HTRA3: variants seen among roughly 807,000 people sequenced by gnomAD.
The protein encoded by HTRA3 is serine protease HTRA3.
A neutral mutation model predicts 43.2 loss-of-function variants in HTRA3; 41 were observed. The ratio of observed to expected loss-of-function variants is 0.95; its 90% CI spans 0.74 to 1.23. The LOEUF (loss-of-function observed/expected upper bound fraction) is 1.23. HTRA3 is among the 50% of genes most tolerant of loss of function. The pLI is 0.00. For synonymous variants in HTRA3, 295 were observed against 287.9 expected (o/e 1.02, Z -0.25); for missense variants, 628 against 647.1 (o/e 0.97, Z 0.32).
chr4:8,282,967 G>T (rs1712815225), intron 2 of HTRA3, among the ~76,000 whole-genome samples: 1 of 152,184 alleles, frequency 6.6e-6, no homozygotes, highest in African/African-American at 2.4e-5. Flanking sequence ...GGAACCGGGG[G>T]CTCGGGAGGC....
chr4:8,296,072 C>T lies in HTRA3; in HGVS notation c.1051+1871C>T, dbSNP rs976796174. 1.9e-6 allele frequency: 2 copies of T among 1,065,054 alleles called. No individual in the cohort carries two copies. The highest frequency in any genetic ancestry group is 3.3e-5 in the African/African-American group (2 of 60,224). 66.0% of individuals were successfully genotyped at this position (1,065,054 alleles called of 1,614,324 possible). On this transcript the variant is annotated intron_variant, in intron 6 of 8. Transcript: ENST00000307358. This position sits in a 1 kb window ranked among gnomAD's most constrained non-coding sequence, Gnocchi z 5.3. ...CCGAGTCTTTCCTGTTGAATTATCC[C>T]ATTCTCCATGGGTGCCTTTGACTTT...
At chr4:8,287,946 C>A (rs1046339923) in intron 3 of HTRA3, among the ~76,000 whole-genome samples, 6 of 152,248 alleles carry the variant, frequency 3.9e-5, no homozygotes, top group African/African-American at 1.4e-4. Flanking sequence ...CTCCCCATGC[C>A]ATGAGGTCAC....
At position 8,279,767 on chromosome 4, in the gene HTRA3, G is replaced by T. The variant is rs1189221617; in HGVS notation, c.386-2670G>T. On this transcript the variant is annotated intron_variant, in intron 1 of 8. Coordinates refer to ENST00000307358, the MANE Select transcript of HTRA3 (RefSeq NM_053044.5). The surrounding 1 kb of genome is among the most constrained non-coding windows in gnomAD (Gnocchi z 7.4). ...CAGCCTGTGGCTTTCCATGTGCTGTGCCCCTGCCCGTGGGCTCTTCCAGGC... is the reference window on the plus strand; with the variant it reads ...CAGCCTGTGGCTTTCCATGTGCTGTTCCCCTGCCCGTGGGCTCTTCCAGGC... Among the ~76,000 whole-genome samples the T allele has an allele frequency of 6.6e-6, 1 of 152,150 alleles. No homozygotes were observed. The highest frequency in any genetic ancestry group is 1.5e-5 in the Non-Finnish European group (1 of 68,014).
chr4:8,270,035 G>T lies in HTRA3; in HGVS notation c.67G>T (p.Ala23Ser). 1 of 1,377,908 alleles carries T rather than the reference G, an allele frequency of 7.3e-7. No homozygotes were observed. Among genetic ancestry groups the T allele is most frequent in the Non-Finnish European group, 9.3e-7 (1 of 1,070,784 alleles). 85.4% of individuals were successfully genotyped at this position (1,377,908 alleles called of 1,614,324 possible). Residue 23 changes from alanine (A) to serine (S), a missense_variant, in exon 1 of 9, where the codon GCG (alanine) becomes TCG (serine). Coordinates refer to ENST00000307358, the MANE Select transcript of HTRA3 (RefSeq NM_053044.5). ...ALALAREPPA[A>S]PCPARCDVSR... The stretch of plus-strand genomic sequence containing the variant: ...GGCGCTGGCCCGGGAGCCCCCTGCG[G>T]CGCCGTGTCCCGCGCGCTGCGACGT...
In HTRA3 at chr4:8,306,331, G is replaced by T. The variant is rs115020927; in HGVS notation, c.*195G>T. ...CTGGGGAGTGTTGGATCCACATCCCGGTGCCGGGGAGGGAAGCCCAACATC... is the reference window on the plus strand; with the variant it reads ...CTGGGGAGTGTTGGATCCACATCCCTGTGCCGGGGAGGGAAGCCCAACATC... On this transcript the variant is annotated 3_prime_UTR_variant, in exon 9 of 9. Transcript: ENST00000307358. The surrounding 1 kb of genome is among the most constrained non-coding windows in gnomAD (Gnocchi z 8.9). 4 of 569,386 alleles carry T rather than the reference G, an allele frequency of 7.0e-6. No homozygotes were observed. Among genetic ancestry groups the T allele is most frequent in the Non-Finnish European group, 1.2e-5 (4 of 330,712 alleles). 35.3% of individuals were successfully genotyped at this position (569,386 alleles called of 1,614,324 possible).
At position 8,290,466 on chromosome 4, in the gene HTRA3, G is replaced by A. The variant is rs76547925; in HGVS notation, c.709-904G>A. 8.7e-3 allele frequency among the ~76,000 whole-genome samples: 1,324 copies of A among 152,292 alleles called. 24 individuals carry two copies. The highest frequency in any genetic ancestry group is 0.03 in the African/African-American group (1,246 of 41,550). On this transcript the variant is annotated intron_variant, in intron 3 of 8. Transcript: ENST00000307358. Reference sequence around the variant, plus strand: ...CAATGCTCTTGAGACCTGGCCGATCGCAGATCCACGGGAAGCTACAGGGTA... The same window carrying A: ...CAATGCTCTTGAGACCTGGCCGATCACAGATCCACGGGAAGCTACAGGGTA...
intron 8 of HTRA3, 71 bp from the exon 9 acceptor site, chr4:8,305,900 C>A (rs1713825247): frequency 1.8e-5 from 28 of 1,570,706 alleles, no homozygotes; most frequent in Non-Finnish European, 2.4e-5. Flanking sequence ...CTGTGCCTCG[C>A]TCTGGGCCGG....
chr4:8,304,649 T>TG (rs200394663), intron 8 of HTRA3, among the ~76,000 whole-genome samples: 28,189 of 117,996 alleles, frequency 0.24, 4,663 homozygotes, highest in East Asian at 0.49. Flanking sequence ...TATTGTTTTT[T>TG]TTTTTTTTTT....
chr4:8,281,745 C>T (rs1188553056), intron 1 of HTRA3, among the ~76,000 whole-genome samples: 1 of 152,230 alleles, frequency 6.6e-6, no homozygotes, highest in Non-Finnish European at 1.5e-5. Context: ...CAGCCACAGC[C>T]CCTACTGCTG....
intron 3 of HTRA3, among the ~76,000 whole-genome samples, chr4:8,289,657 A>C (rs897336189): frequency 6.6e-6 from 1 of 152,186 alleles, no homozygotes; most frequent in Admixed American, 6.5e-5. Context: ...CATGGCCATG[A>C]GCTGAGGTGG....
intron 7 of HTRA3, among the ~76,000 whole-genome samples, chr4:8,303,425 G>A (rs1274557528): frequency 5.3e-5 from 8 of 152,210 alleles, no homozygotes. Flanking sequence ...GAAGGGGCTG[G>A]GGGAGAGGAA....
At chr4:8,289,164 G>C (rs1334055876) in intron 3 of HTRA3, among the ~76,000 whole-genome samples, 1 of 151,400 alleles carries the variant, frequency 6.6e-6, no homozygotes, top group Admixed American at 6.6e-5. Flanking sequence ...TGCCCAGGCT[G>C]GTCTAGAACT....
chr4:8,283,919 G>A lies in HTRA3; in HGVS notation c.485+1383G>A, dbSNP rs573168567. ...CCGCCTCCCTGCTGGCTGGCTCGGC[G>A]CTTGTCTGGTCCAAGCCCCTGTCAC... On this transcript the variant is annotated intron_variant, in intron 2 of 8. Coordinates refer to ENST00000307358, the MANE Select transcript of HTRA3 (RefSeq NM_053044.5). Among the ~76,000 whole-genome samples the A allele has an allele frequency of 2.0e-3, 297 of 152,286 alleles. 2 individuals are homozygous for A. Among genetic ancestry groups the A allele is most frequent in the South Asian group, 0.011 (52 of 4,826 alleles).
intron 5 of HTRA3, among the ~76,000 whole-genome samples, chr4:8,293,591 G>A (rs1469012054): frequency 1.3e-5 from 2 of 152,130 alleles, no homozygotes; most frequent in Non-Finnish European, 2.9e-5. Context: ...CTGCCCAAGT[G>A]GTACCAGCCT....
At chr4:8,294,291 A>C in intron 6 of HTRA3, 90 bp downstream of exon 6, 3 of 921,356 alleles carry the variant, frequency 3.3e-6, no homozygotes, top group South Asian at 1.6e-5. Flanking sequence ...ACCAAGGCCC[A>C]CCGGAGGTGC....
intron 2 of HTRA3, among the ~76,000 whole-genome samples, chr4:8,285,179 C>T (rs1423223296): frequency 1.3e-5 from 2 of 152,134 alleles, no homozygotes; most frequent in East Asian, 1.9e-4. Context: ...CTGATGTCAC[C>T]GTAACTTCAG....
At position 8,270,220 on chromosome 4, in the gene HTRA3, C is replaced by G. The variant is rs568135248; in HGVS notation, c.252C>G (p.Arg84=). ...GCGTGCGCGGCCTATGCCGCTGCCGCTGGTCGCACGCCGTGTGTGGCACCG... is the reference window on the plus strand; with the variant it reads ...GCGTGCGCGGCCTATGCCGCTGCCGGTGGTCGCACGCCGTGTGTGGCACCG... The part of the protein sequence containing the change: ...LECVRGLCRC[R]WSHAVCGTDG... The change falls in exon 1 of 9, where the codon CGC becomes CGG. Residue 84 remains arginine (R), a synonymous_variant. Coordinates refer to ENST00000307358, the MANE Select transcript of HTRA3 (RefSeq NM_053044.5). 3.0e-4 allele frequency: 465 copies of G among 1,536,718 alleles called. 4 individuals carry two copies. The South Asian group carries it at 5.3e-3, about 18-fold the overall frequency.
At chr4:8,287,015 G>A (rs1312947983) in intron 3 of HTRA3, among the ~76,000 whole-genome samples, 1 of 152,164 alleles carries the variant, frequency 6.6e-6, no homozygotes, top group Non-Finnish European at 1.5e-5. Flanking sequence ...GCAGGGCAGA[G>A]CCAGGAAGCA....
chr4:8,296,197 C>T lies in HTRA3; in HGVS notation c.1051+1996C>T. The T allele has an allele frequency of 2.0e-6, 2 of 986,236 alleles. No homozygotes were observed. Among genetic ancestry groups the T allele is most frequent in the Non-Finnish European group, 2.4e-6 (2 of 830,504 alleles). The allele number at this position is 986,236 out of a possible 1,614,324, so 61.1% of individuals were successfully genotyped here. On this transcript the variant is annotated intron_variant, in intron 6 of 8. Coordinates refer to ENST00000307358, the MANE Select transcript of HTRA3 (RefSeq NM_053044.5). The surrounding 1 kb of genome is among the most constrained non-coding windows in gnomAD (Gnocchi z 5.3). ...ATGATAGTGTCCTCTTCCCTTCTTG[C>T]CTCTCTCTTTCTCCTGAGACAGGAT...
Sources: gnomAD v4.1 joint callset for allele counts (sites outside exome capture counted in the v4.1 genomes callset) on GRCh38, gnomAD v4.1.1 for gene constraint, Gnocchi (gnomAD v3.1) non-coding constraint, MANE v1.5 for transcripts, NCBI Gene and HGNC (gene_info 2026-07-23, HGNC 2026-07-21) for gene names.